ARHGEF3: variants seen among roughly 807,000 people sequenced by gnomAD.
ARHGEF3 encodes 59.8 kDA protein.
Under a neutral mutation model 63.2 loss-of-function variants are expected in ARHGEF3, and 28 were observed. The observed-to-expected ratio is 0.44, with a 90% CI of 0.33 to 0.61. ARHGEF3 has a LOEUF of 0.61. ARHGEF3 is among the 20% of genes least tolerant of loss of function. The pLI, the probability that ARHGEF3 is intolerant of heterozygous loss-of-function variation, is 0.03. For missense variants in ARHGEF3, 533 were observed against 659.3 expected, an observed-to-expected ratio of 0.81 and a Z score of 2.10; for synonymous variants, 266 against 254.2, an observed-to-expected ratio of 1.05 and a Z score of -0.44.
chr3:57,018,139 C>T (rs943135646), intron 2 of ARHGEF3, among the ~76,000 whole-genome samples: 5 of 152,008 alleles, frequency 3.3e-5, no homozygotes, highest in Non-Finnish European at 5.9e-5. Flanking sequence ...ATTAGCTGGG[C>T]GTGGTGGCAT....
chr3:56,758,295 A>T (rs2035217848), intron 2 of ARHGEF3, among the ~76,000 whole-genome samples: 1 of 151,612 alleles, frequency 6.6e-6, no homozygotes, highest in African/African-American at 2.4e-5. Flanking sequence ...AAAAAAAAAA[A>T]AATAGAAAAT....
intron 3 of ARHGEF3, among the ~76,000 whole-genome samples, chr3:56,901,889 C>A (rs1350673124): frequency 6.6e-6 from 1 of 152,064 alleles, no homozygotes; most frequent in African/African-American, 2.4e-5. Flanking sequence ...ATTGTTGATT[C>A]AGTAGCATTG....
chr3:56,980,067 A>G (rs1180219753), intron 2 of ARHGEF3, among the ~76,000 whole-genome samples: 1 of 152,206 alleles, frequency 6.6e-6, no homozygotes, highest in African/African-American at 2.4e-5. Flanking sequence ...AATGATGATG[A>G]TAACTCACGC....
intron 3 of ARHGEF3, among the ~76,000 whole-genome samples, chr3:56,944,821 C>T (rs911783347): frequency 6.6e-6 from 1 of 152,028 alleles, no homozygotes; most frequent in African/African-American, 2.4e-5. Flanking sequence ...TCAAGTGATC[C>T]ACCCACCTCA....
intron 2 of ARHGEF3, among the ~76,000 whole-genome samples, chr3:57,024,904 G>A (rs189244050): frequency 1.2e-3 from 181 of 152,322 alleles, no homozygotes; most frequent in African/African-American, 4.1e-3. Context: ...CTTCACCAGC[G>A]TGTCAACTGA....
intron 1 of ARHGEF3, among the ~76,000 whole-genome samples, chr3:57,059,512 T>A (rs1355952600): frequency 1.6e-5 from 1 of 61,426 alleles, no homozygotes; most frequent in African/African-American, 5.2e-5. Flanking sequence ...GAGTTGGGGG[T>A]GGGGGGAGGG....
chr3:56,753,944 GATA>G (rs2034918805), intron 3 of ARHGEF3, among the ~76,000 whole-genome samples: 1 of 152,186 alleles, frequency 6.6e-6, no homozygotes, highest in Admixed American at 6.5e-5. Flanking sequence ...GGCTCTTCTA[GATA>G]ATGGATGTGG....
upstream of ARHGEF3, among the ~76,000 whole-genome samples, chr3:56,804,431 T>G (rs1236442530): frequency 2.0e-5 from 3 of 152,182 alleles, no homozygotes; most frequent in East Asian, 5.8e-4. Context: ...TCATAATACA[T>G]AGCTCTTCAT....
At chr3:56,999,911 T>G (rs182364786) in intron 2 of ARHGEF3, among the ~76,000 whole-genome samples, 5 of 152,338 alleles carry the variant, frequency 3.3e-5, no homozygotes, top group East Asian at 1.9e-4. Flanking sequence ...GAGATCACTA[T>G]GTAGGGAATG....
intron 6 of ARHGEF3, among the ~76,000 whole-genome samples, chr3:56,750,289 C>T (rs779109876): frequency 6.6e-5 from 10 of 152,160 alleles, no homozygotes; most frequent in African/African-American, 9.7e-5. Flanking sequence ...TAAGAGCACA[C>T]GCCTTGTCTA....
At chr3:56,889,820 G>A (rs900828540) in intron 3 of ARHGEF3, among the ~76,000 whole-genome samples, 1 of 152,176 alleles carries the variant, frequency 6.6e-6, no homozygotes, top group African/African-American at 2.4e-5. Flanking sequence ...CCAGCACTTT[G>A]GGAGGCCGAG....
In ARHGEF3 at chr3:56,996,269, G is replaced by T. The variant is rs141023024; in HGVS notation, c.63-37380C>A. ...TCTGCTTCAAACCCCCTCCTCTCCT[G>T]TCTATTCCCTATCTTAGCTCTCCCT... On this transcript the variant is annotated intron_variant, in intron 2 of 12. Transcript: ENST00000338458. Among the ~76,000 whole-genome samples the T allele has an allele frequency of 3.9e-5, 6 of 152,172 alleles. No individual in the cohort carries two copies. The East Asian group carries it at 1.2e-3, about 29-fold the overall frequency.
intron 4 of ARHGEF3, among the ~76,000 whole-genome samples, chr3:56,752,605 G>A (rs1214255668): frequency 6.6e-6 from 1 of 152,208 alleles, no homozygotes; most frequent in African/African-American, 2.4e-5. Flanking sequence ...TTTCTAGGAA[G>A]GTAGGGCCAC....
intron 4 of ARHGEF3, among the ~76,000 whole-genome samples, chr3:56,837,858 C>G (rs1251044964): frequency 1.3e-5 from 2 of 152,156 alleles, no homozygotes; most frequent in Non-Finnish European, 2.9e-5. Context: ...GAACAACATG[C>G]TAGAACGGCA....
At chr3:56,825,075 C>T (rs766578369) in intron 4 of ARHGEF3, among the ~76,000 whole-genome samples, 2 of 152,114 alleles carry the variant, frequency 1.3e-5, no homozygotes, top group Non-Finnish European at 2.9e-5. Flanking sequence ...GCTCTGAGAC[C>T]CTGGGTGAGT....
intron 1 of ARHGEF3, among the ~76,000 whole-genome samples, chr3:57,054,472 A>G (rs960083782): frequency 7.0e-5 from 10 of 143,500 alleles, no homozygotes; most frequent in African/African-American, 2.5e-4. Context: ...TCTACAAAAA[A>G]TACGAAAAAA....
intron 2 of ARHGEF3, among the ~76,000 whole-genome samples, chr3:57,002,479 T>TTATATATATATATGTTATATA (rs1702251595): frequency 2.5e-5 from 1 of 39,472 alleles, no homozygotes; most frequent in South Asian, 8.0e-4. Flanking sequence ...TATATATATG[T>TTATATATATATATGTTATATA]TATATATATA....
intron 2 of ARHGEF3, among the ~76,000 whole-genome samples, chr3:57,026,409 A>G (rs1703476680): frequency 6.6e-6 from 1 of 152,164 alleles, no homozygotes; most frequent in Non-Finnish European, 1.5e-5. Context: ...TCTTAAAATA[A>G]AAGAGGTTTG....
At chr3:56,771,113 CAA>C (rs201889173) in intron 2 of ARHGEF3, among the ~76,000 whole-genome samples, 12 of 123,390 alleles carry the variant, frequency 9.7e-5, no homozygotes, top group Admixed American at 1.7e-4. Context: ...AACTCCATCT[CAA>C]AAAAAAAAAA....
Sources: allele counts gnomAD v4.1 joint callset (sites outside exome capture counted in the v4.1 genomes callset), GRCh38; gene constraint gnomAD v4.1.1; transcripts MANE v1.5; gene names NCBI Gene and HGNC (gene_info 2026-07-23, HGNC 2026-07-21).